The following ZFAT variants were observed in gnomAD, a reference collection of about 807,000 sequenced individuals.
ZFAT encodes the protein zinc finger and AT-hook domain containing.
Under a neutral mutation model 117.7 loss-of-function variants are expected in ZFAT, and 64 were observed. That is an observed-to-expected ratio of 0.54 (90% CI 0.44 to 0.67). The LOEUF is 0.67. Among genes scored for constraint, ZFAT ranks in the 30% least tolerant of loss-of-function variants. The pLI is 0.00. For missense variants in ZFAT, 1,433 were observed against 1,584.5 expected (o/e 0.90, Z 1.62); for synonymous variants, 679 against 615.0 (o/e 1.10, Z -1.54).
the ZFAT span, among the ~76,000 whole-genome samples, chr8:134,825,122 T>C: frequency 2.0e-5 from 3 of 152,228 alleles, no homozygotes; most frequent in African/African-American, 4.8e-5. Context: ...GTCTTCCTTA[T>C]TGCCATCTAA....
At chr8:134,494,108 G>A (rs938236978) in intron 15 of ZFAT, among the ~76,000 whole-genome samples, 8 of 151,872 alleles carry the variant, frequency 5.3e-5, no homozygotes, top group African/African-American at 1.9e-4. Flanking sequence ...CTACAGCATT[G>A]CCCGGTCCTC....
chr8:134,751,596 TA>T, the ZFAT span, among the ~76,000 whole-genome samples: 1 of 152,212 alleles, frequency 6.6e-6, no homozygotes, highest in Non-Finnish European at 1.5e-5. Context: ...TGGAACTACT[TA>T]AATCTTTTAT....
the ZFAT span, among the ~76,000 whole-genome samples, chr8:134,733,676 T>G: frequency 6.6e-6 from 1 of 152,220 alleles, no homozygotes; most frequent in East Asian, 1.9e-4. Flanking sequence ...GTGGAGGCAG[T>G]GCTGTGTCTC....
chr8:134,800,817 G>A, the ZFAT span, among the ~76,000 whole-genome samples: 1 of 151,960 alleles, frequency 6.6e-6, no homozygotes, highest in Non-Finnish European at 1.5e-5. Context: ...GCAGTGGGGG[G>A]CACTACAGGC....
At chr8:134,523,633 A>G (rs1223205584) in intron 12 of ZFAT, among the ~76,000 whole-genome samples, 2 of 152,116 alleles carry the variant, frequency 1.3e-5, no homozygotes, top group Non-Finnish European at 1.5e-5. Context: ...CTCACCTACA[A>G]TAAAATCCTG....
chr8:134,818,014 A>C, the ZFAT span, among the ~76,000 whole-genome samples: 1 of 152,232 alleles, frequency 6.6e-6, no homozygotes, highest in African/African-American at 2.4e-5. Flanking sequence ...GGATCACTAT[A>C]TTTAGATAGA....
chr8:134,778,733 A>C, the ZFAT span, among the ~76,000 whole-genome samples: 2 of 152,260 alleles, frequency 1.3e-5, no homozygotes, highest in Admixed American at 6.5e-5. Context: ...GGAAAAGATT[A>C]TATCAAGGAC....
intron 1 of ZFAT, among the ~76,000 whole-genome samples, chr8:134,669,602 G>C (rs1052653349): frequency 6.6e-6 from 1 of 152,144 alleles, no homozygotes; most frequent in Non-Finnish European, 1.5e-5. Context: ...CCTGAAGGAA[G>C]CACTAAACAT....
intron 11 of ZFAT, among the ~76,000 whole-genome samples, chr8:134,564,710 A>G (rs1824301374): frequency 6.6e-6 from 1 of 152,266 alleles, no homozygotes; most frequent in Non-Finnish European, 1.5e-5. Flanking sequence ...CTCAGGGTCA[A>G]GTTTCCCCAA....
intron 15 of ZFAT, among the ~76,000 whole-genome samples, chr8:134,490,179 A>C (rs1277523845): frequency 6.6e-6 from 1 of 152,236 alleles, no homozygotes; most frequent in Non-Finnish European, 1.5e-5. Context: ...CTAATGCCAC[A>C]AACATAGATG....
At chr8:134,739,500 T>C in the ZFAT span, among the ~76,000 whole-genome samples, 1 of 152,202 alleles carries the variant, frequency 6.6e-6, no homozygotes, top group South Asian at 2.1e-4. Flanking sequence ...CTTATTTTGT[T>C]AACTTTTAAA....
chr8:134,567,740 G>A (rs544298336), intron 10 of ZFAT, among the ~76,000 whole-genome samples: 18 of 130,166 alleles, frequency 1.4e-4, no homozygotes, highest in African/African-American at 4.9e-4. Context: ...TCTGTATTTA[G>A]GCTCATAACA....
chr8:134,505,178 C>A (rs187522078), intron 15 of ZFAT, among the ~76,000 whole-genome samples: 1 of 152,310 alleles, frequency 6.6e-6, no homozygotes, highest in East Asian at 1.9e-4. Context: ...TGGCTATCTA[C>A]CCCAATTAAA....
At chr8:134,629,124 C>A (rs144025027) in intron 3 of ZFAT, among the ~76,000 whole-genome samples, 2 of 152,084 alleles carry the variant, frequency 1.3e-5, no homozygotes, top group African/African-American at 2.4e-5. Flanking sequence ...GGTAGTCAAT[C>A]GACCACGGTA....
At chr8:134,597,350 C>G (rs909261183) in intron 7 of ZFAT, among the ~76,000 whole-genome samples, 2 of 152,216 alleles carry the variant, frequency 1.3e-5, no homozygotes, top group Admixed American at 1.3e-4. Context: ...CCACCTGCTT[C>G]ATGGAAAATG....
chr8:134,566,165 T>A (rs9694923), intron 10 of ZFAT, among the ~76,000 whole-genome samples: 2 of 151,932 alleles, frequency 1.3e-5, no homozygotes, highest in African/African-American at 4.8e-5. Flanking sequence ...GAGGCCGAGA[T>A]GGGCAGATCA....
intron 5 of ZFAT, among the ~76,000 whole-genome samples, chr8:134,603,336 T>C (rs1827656215): frequency 6.6e-6 from 1 of 152,074 alleles, no homozygotes; most frequent in African/African-American, 2.4e-5. Flanking sequence ...GAAGGACAGG[T>C]GTGCCATCCA....
chr8:134,652,238 G>T (rs767115668), intron 2 of ZFAT, among the ~76,000 whole-genome samples: 15 of 152,204 alleles, frequency 9.9e-5, no homozygotes, highest in Non-Finnish European at 2.1e-4. Flanking sequence ...CTGCACTCCA[G>T]CCTGGGCAAA....
At chr8:134,563,332 G>A (rs1481320948) in intron 11 of ZFAT, among the ~76,000 whole-genome samples, 5 of 152,186 alleles carry the variant, frequency 3.3e-5, no homozygotes, top group South Asian at 2.1e-4. Context: ...AAGTAACTGA[G>A]AACATGTAGT....
Sources: gnomAD v4.1 joint callset for allele counts (sites outside exome capture counted in the v4.1 genomes callset) on GRCh38, gnomAD v4.1.1 for gene constraint, MANE v1.5 for transcripts, NCBI Gene and HGNC (gene_info 2026-07-23, HGNC 2026-07-21) for gene names.